FBXO34: variants seen among roughly 807,000 people sequenced by gnomAD.
FBXO34 encodes the protein F-box protein 34, also known as F-box only protein 34.
In FBXO34, 12 loss-of-function variants were observed where a neutral mutation model predicts 24.5. The ratio of observed to expected loss-of-function variants is 0.49; its 90% CI spans 0.31 to 0.79. The LOEUF (loss-of-function observed/expected upper bound fraction) is 0.79, where lower values mean the gene tolerates loss of function less well. Ranked by LOEUF, FBXO34 falls within the 30% of genes least tolerant of loss-of-function variation. The pLI, the probability that FBXO34 is intolerant of heterozygous loss-of-function variation, is 0.04. For missense variants in FBXO34, 823 were observed against 857.7 expected (o/e 0.96, Z 0.51); for synonymous variants, 320 against 311.9 (o/e 1.03, Z -0.27).
chr14:55,323,641 A>G (rs1883244824), intron 1 of FBXO34, among the ~76,000 whole-genome samples: 1 of 152,118 alleles, frequency 6.6e-6, no homozygotes, highest in South Asian at 2.1e-4. Flanking sequence ...TCAGCCTTCC[A>G]AAGTGCTGGG....
intron 1 of FBXO34, among the ~76,000 whole-genome samples, chr14:55,273,545 A>G (rs1881231087): frequency 6.6e-6 from 1 of 152,196 alleles, no homozygotes; most frequent in African/African-American, 2.4e-5. Context: ...TATTTTTCGT[A>G]TGTACAAATT....
intron 1 of FBXO34, among the ~76,000 whole-genome samples, chr14:55,309,278 G>A (rs1882654446): frequency 6.6e-6 from 1 of 152,012 alleles, no homozygotes; most frequent in East Asian, 1.9e-4. Context: ...AAACTTTTTG[G>A]ACACTGCTGG....
At chr14:55,369,419 T>G, downstream of FBXO34, 1 of 453,944 alleles carries the variant, frequency 2.2e-6, no homozygotes, top group East Asian at 3.4e-5. Context: ...TTCTCTTAAT[T>G]ATCATAAGCA....
intron 1 of FBXO34, among the ~76,000 whole-genome samples, chr14:55,297,885 A>AT: frequency 6.6e-6 from 1 of 152,362 alleles, no homozygotes; most frequent in Admixed American, 6.5e-5. Context: ...ACATCTTAGG[A>AT]TGTTAGGGAA....
At chr14:55,397,553 T>C in the FBXO34 span, 4 of 792,678 alleles carry the variant, frequency 5.0e-6, no homozygotes, top group East Asian at 1.1e-4. Context: ...ATTGTCCTGA[T>C]AGTAAATACA....
rs1352523714 is a variant in FBXO34, at chr14:55,331,715, A to G, written c.-10-18666A>G. Reference sequence around the variant, plus strand: ...TATATATATATATATGTATATATATATGTATATATATATGTATATATATAT... The same window carrying G: ...TATATATATATATATGTATATATATGTGTATATATATATGTATATATATAT... On this transcript the variant is annotated intron_variant, in intron 1 of 1. Transcript: ENST00000313833. Among the ~76,000 whole-genome samples, 3 of 45,674 alleles carry G rather than the reference A, an allele frequency of 6.6e-5. 1 individual carries two copies. Among genetic ancestry groups the G allele is most frequent in the Non-Finnish European group, 1.2e-4 (3 of 25,528 alleles). The allele number at this position is 45,674 out of a possible 152,430, so 30.0% of individuals were successfully genotyped here.
At chr14:55,401,803 C>G in the FBXO34 span, among the ~76,000 whole-genome samples, 1 of 152,160 alleles carries the variant, frequency 6.6e-6, no homozygotes, top group African/African-American at 2.4e-5. Flanking sequence ...CAGAGGCAGC[C>G]ACCCAGGAGC....
At chr14:55,288,461 T>G (rs1473209204) in intron 1 of FBXO34, among the ~76,000 whole-genome samples, 3 of 152,284 alleles carry the variant, frequency 2.0e-5, no homozygotes, top group South Asian at 2.1e-4. Context: ...TCTTGTTGTG[T>G]TGTTTATGCC....
the FBXO34 span, chr14:55,395,873 A>G: frequency 2.1e-4 from 244 of 1,177,544 alleles, 1 homozygote; most frequent in East Asian, 6.3e-3. Flanking sequence ...ATTAAAAATA[A>G]TTTTATAAGC....
At chr14:55,338,874 C>A (rs1181940825) in intron 1 of FBXO34, among the ~76,000 whole-genome samples, 1 of 151,416 alleles carries the variant, frequency 6.6e-6, no homozygotes, top group Non-Finnish European at 1.5e-5. Context: ...CCACTGCACT[C>A]CAGCCTGGGC....
In FBXO34 at chr14:55,312,222, AAAC is replaced by A. The variant is rs879571566; in HGVS notation, c.-10-38158_-10-38156del. On this transcript the variant is annotated intron_variant, in intron 1 of 1. Transcript: ENST00000313833. ...GTCTCAAAACAAACAAACAAACAAA[AAAC>A]CTTAAAGTTCCAAAATGATCTCCAT... is the stretch of plus-strand genomic sequence containing the variant. 9.1e-3 allele frequency among the ~76,000 whole-genome samples: 1,391 copies of A among 152,134 alleles called. 9 individuals are homozygous for A. Among genetic ancestry groups the A allele is most frequent in the Non-Finnish European group, 0.015 (1,026 of 67,988 alleles).
At chr14:55,338,937 AAAAAAAACCCCCC>A (rs1229462061) in intron 1 of FBXO34, among the ~76,000 whole-genome samples, 5 of 146,990 alleles carry the variant, frequency 3.4e-5, no homozygotes, top group Admixed American at 6.7e-5. Context: ...AAAAAAAGCC[AAAAAAAACCCCCC>A]AAAAAAACCA....
the FBXO34 span, chr14:55,414,401 A>G: frequency 1.1e-5 from 18 of 1,606,348 alleles, no homozygotes; most frequent in Admixed American, 1.7e-5. Context: ...AAAACCTTTT[A>G]GAATAGGATA....
chr14:55,439,509 G>C, the FBXO34 span, among the ~76,000 whole-genome samples: 3 of 151,384 alleles, frequency 2.0e-5, no homozygotes, highest in Non-Finnish European at 4.4e-5. Context: ...CAGGCGGGGG[G>C]CCAGGAGTGG....
chr14:55,424,340 T>C, the FBXO34 span: 5 of 791,984 alleles, frequency 6.3e-6, no homozygotes, highest in Non-Finnish European at 6.2e-6. Context: ...TTAAAGTGCA[T>C]ATTAAAGCAG....
At chr14:55,417,852 C>T in the FBXO34 span, among the ~76,000 whole-genome samples, 1 of 152,132 alleles carries the variant, frequency 6.6e-6, no homozygotes. Flanking sequence ...GCCTGGTGCA[C>T]TAGAGAAAGG....
At chr14:55,369,760 G>A (rs745383116), downstream of FBXO34, 90 of 1,614,066 alleles carry the variant, frequency 5.6e-5, 5 homozygotes, top group South Asian at 9.9e-4. Context: ...ACTGGGAAGG[G>A]ATATCACAAA....
At position 55,352,808 on chromosome 14, in the gene FBXO34, C is replaced by A; in HGVS notation, c.*282C>A. On this transcript the variant is annotated 3_prime_UTR_variant, in exon 2 of 2. Transcript: ENST00000313833. Reference sequence around the variant, plus strand: ...CCTGTTTTCCTAAATCAAACCCATCCTCAAAGGATGAAGACTCACCACCAT... The same window carrying A: ...CCTGTTTTCCTAAATCAAACCCATCATCAAAGGATGAAGACTCACCACCAT... The A allele has an allele frequency of 2.8e-6, 1 of 352,172 alleles. No individual in the cohort carries two copies. Among genetic ancestry groups the A allele is most frequent in the Non-Finnish European group, 5.4e-6 (1 of 184,936 alleles). 21.8% of individuals were successfully genotyped at this position (352,172 alleles called of 1,614,324 possible).
chr14:55,334,616 A>G (rs554276977), intron 1 of FBXO34, among the ~76,000 whole-genome samples: 1 of 152,248 alleles, frequency 6.6e-6, no homozygotes, highest in South Asian at 2.1e-4. Flanking sequence ...TGGGTAAAGC[A>G]TGATAAAGAT....
Sources: gnomAD v4.1 joint callset for allele counts (sites outside exome capture counted in the v4.1 genomes callset) on GRCh38, gnomAD v4.1.1 for gene constraint, MANE v1.5 for transcripts, NCBI Gene and HGNC (gene_info 2026-07-23, HGNC 2026-07-21) for gene names.